The following DCLRE1C variants were observed in gnomAD, a reference collection of about 807,000 sequenced individuals.
DCLRE1C encodes the protein protein artemis.
A neutral mutation model predicts 61.4 loss-of-function variants in DCLRE1C; 47 were observed. The observed-to-expected ratio is 0.77, with a 90% CI of 0.61 to 0.98. The LOEUF (loss-of-function observed/expected upper bound fraction) is 0.98, where lower values mean the gene tolerates loss of function less well. DCLRE1C is among the 50% of genes least tolerant of loss of function. DCLRE1C has a pLI of 0.00. For missense variants in DCLRE1C, 858 were observed against 816.0 expected, an observed-to-expected ratio of 1.05 and a Z score of -0.63; for synonymous variants, 337 against 287.6, an observed-to-expected ratio of 1.17 and a Z score of -1.74.
At chr10:14,909,400 CT>C (rs990071532) in intron 13 of DCLRE1C, 70 bp from the exon 14 acceptor site, 1 of 1,405,284 alleles carries the variant, frequency 7.1e-7, no homozygotes, top group African/African-American at 1.4e-5. Context: ...TTTATCTGTA[CT>C]TTTAATTCTT....
intron 8 of DCLRE1C, among the ~76,000 whole-genome samples, chr10:14,934,032 G>GA (rs1403006718): frequency 1.3e-5 from 2 of 152,204 alleles, no homozygotes; most frequent in East Asian, 1.9e-4. Flanking sequence ...GGGAGCAAGA[G>GA]AAAAGAATGA....
At chr10:14,944,246 G>A (rs1446687164) in intron 3 of DCLRE1C, among the ~76,000 whole-genome samples, 1 of 152,140 alleles carries the variant, frequency 6.6e-6, no homozygotes, top group Non-Finnish European at 1.5e-5. Context: ...GATCCACTTG[G>A]AACCAAGTGG....
chr10:14,927,679 G>A (rs1200813804), intron 10 of DCLRE1C, among the ~76,000 whole-genome samples: 1 of 151,938 alleles, frequency 6.6e-6, no homozygotes, highest in African/African-American at 2.4e-5. Flanking sequence ...AGGAAATATT[G>A]CTAAAATATT....
At chr10:14,929,786 C>A (rs1355644538) in intron 9 of DCLRE1C, among the ~76,000 whole-genome samples, 1 of 152,062 alleles carries the variant, frequency 6.6e-6, no homozygotes, top group Non-Finnish European at 1.5e-5. Context: ...CCTTCCAAAC[C>A]ATTAACGTTC....
chr10:14,938,643 C>A (rs1840371276), intron 4 of DCLRE1C, among the ~76,000 whole-genome samples: 1 of 152,144 alleles, frequency 6.6e-6, no homozygotes, highest in African/African-American at 2.4e-5. Flanking sequence ...ACCATACATT[C>A]ACAAAAGTAC....
At chr10:14,922,935 G>A in intron 12 of DCLRE1C, 46 bp downstream of exon 12, 1 of 1,363,848 alleles carries the variant, frequency 7.3e-7, no homozygotes. Context: ...TCCTAGCCAA[G>A]AGCCACCAAG....
In DCLRE1C at chr10:14,932,492, C is replaced by A. The variant is rs143118369; in HGVS notation, c.780+362G>T. On this transcript the variant is annotated intron_variant, in intron 9 of 13. Transcript: ENST00000378278. Reference sequence around the variant, plus strand: ...TGTAGTAAAAATAACAAAAAATTAGCCGTGCATGGTGGCGGGCGCCTGTAG... The same window carrying A: ...TGTAGTAAAAATAACAAAAAATTAGACGTGCATGGTGGCGGGCGCCTGTAG... 1.5e-3 allele frequency among the ~76,000 whole-genome samples: 226 copies of A among 152,100 alleles called. 1 individual carries two copies. Among genetic ancestry groups the A allele is most frequent in the African/African-American group, 5.2e-3 (215 of 41,484 alleles).
chr10:14,937,056 CAT>C (rs1386593615), intron 4 of DCLRE1C, among the ~76,000 whole-genome samples: 2 of 152,162 alleles, frequency 1.3e-5, no homozygotes, highest in Non-Finnish European at 2.9e-5. Flanking sequence ...GAAATGAACA[CAT>C]GTTGTATGAT....
intron 1 of DCLRE1C, among the ~76,000 whole-genome samples, chr10:14,952,422 T>A (rs1842584390): frequency 6.6e-6 from 1 of 152,044 alleles, no homozygotes; most frequent in African/African-American, 2.4e-5. Context: ...ACATCATCTC[T>A]ACTAAAAACA....
At chr10:14,945,953 C>T (rs754796512) in intron 2 of DCLRE1C, among the ~76,000 whole-genome samples, 2 of 146,926 alleles carry the variant, frequency 1.4e-5, no homozygotes, top group African/African-American at 2.5e-5. Flanking sequence ...CCACTGCGCC[C>T]GGCCTATTCT....
At chr10:14,924,736 A>G (rs1837674164) in intron 11 of DCLRE1C, among the ~76,000 whole-genome samples, 1 of 152,114 alleles carries the variant, frequency 6.6e-6, no homozygotes, top group African/African-American at 2.4e-5. Context: ...AGTCCCAGCT[A>G]CTCAAGAAGT....
Position 14,932,952 on chromosome 10 carries a change from G to T in DCLRE1C, c.682C>A (p.His228Asn). ...CTAAACATGTCTAGCTTATTCACAT[G>T]AACCTAAGGCAAATAATACATACAT... is the stretch of plus-strand genomic sequence containing the variant. ...NLSEELGVQVHVNKLDMFRNM... is the reference protein window; with the variant it reads ...NLSEELGVQVNVNKLDMFRNM... The change falls in exon 9 of 14, where the codon CAT becomes AAT. Residue 228 changes from histidine to asparagine, a missense_variant. By Grantham distance (68) the His-to-Asn change is moderately conservative (BLOSUM62 1). Transcript: ENST00000378278. 3 of 1,613,994 alleles carry T rather than the reference G, an allele frequency of 1.9e-6. No homozygotes were observed. Among genetic ancestry groups the T allele is most frequent in the Non-Finnish European group, 2.5e-6 (3 of 1,179,856 alleles).
At chr10:14,940,686 G>T (rs1441349668) in intron 3 of DCLRE1C, among the ~76,000 whole-genome samples, 1 of 152,186 alleles carries the variant, frequency 6.6e-6, no homozygotes, top group Non-Finnish European at 1.5e-5. Context: ...GTAAGTATCT[G>T]ATGAATAGAT....
In DCLRE1C at chr10:14,907,402, G is replaced by T. The variant is rs1020090405; in HGVS notation, c.*1006C>A. ...AGATACATTCTGCTAGTTTGGGGTG[G>T]TGTGTTCTATAAATGTCAATTTAAT... On this transcript the variant is annotated 3_prime_UTR_variant, in exon 14 of 14. Coordinates refer to ENST00000378278, the MANE Select transcript of DCLRE1C (RefSeq NM_001033855.3). 6.6e-6 allele frequency among the ~76,000 whole-genome samples: 1 copy of T among 151,400 alleles called. No individual in the cohort carries two copies. Among genetic ancestry groups the T allele is most frequent in the Non-Finnish European group, 1.5e-5 (1 of 67,886 alleles).
At chr10:14,944,673 C>CTTTTT (rs1165126470) in intron 3 of DCLRE1C, among the ~76,000 whole-genome samples, 1 of 117,724 alleles carries the variant, frequency 8.5e-6, no homozygotes, top group Non-Finnish European at 1.8e-5. Flanking sequence ...TTTTTTTTTT[C>CTTTTT]TTTTTTTTTT....
intron 9 of DCLRE1C, among the ~76,000 whole-genome samples, chr10:14,931,280 G>A (rs1037876117): frequency 6.6e-6 from 1 of 152,210 alleles, no homozygotes. Context: ...AACGAATGAG[G>A]CTGGGTGTGG....
In DCLRE1C at chr10:14,949,032, T is replaced by G; in HGVS notation, c.161+4A>C. The G allele has an allele frequency of 6.2e-7, 1 of 1,604,478 alleles. No homozygotes were observed. The highest frequency in any genetic ancestry group is 1.1e-5 in the South Asian group (1 of 90,750). ...TTAAAAACACAAGTAGCAAAATAAA[T>G]TACCTGCACTCCAACCTTCTTTTCA... On this transcript the variant is annotated splice_donor_region_variant and intron_variant, in intron 2 of 13. Transcript: ENST00000378278.
At chr10:14,923,140 G>A (rs1837398211) in intron 11 of DCLRE1C, 71 bp from the exon 12 acceptor site, 1 of 1,204,672 alleles carries the variant, frequency 8.3e-7, no homozygotes, top group African/African-American at 1.5e-5. Context: ...GATAAAGGGA[G>A]GCTGGGGAAA....
In DCLRE1C at chr10:14,939,841, T is replaced by A; in HGVS notation, c.275A>T (p.Gln92Leu). 6.3e-7 allele frequency: 1 copy of A among 1,598,482 alleles called. No homozygotes were observed. Among genetic ancestry groups the A allele is most frequent in the Non-Finnish European group, 8.6e-7 (1 of 1,167,204 alleles). Residue 92 changes from glutamine (Q) to leucine (L), a missense_variant, in exon 4 of 14, where the codon CAG (glutamine) becomes CTG (leucine). Gln to Leu is a moderately radical substitution (Grantham distance 113). This residue lies in a region of DCLRE1C where 843 missense variants were observed against 783.5 expected (regional missense o/e 1.08). Coordinates refer to ENST00000378278, the MANE Select transcript of DCLRE1C (RefSeq NM_001033855.3). The part of the protein sequence containing the change: ...IISIEIETPT[Q>L]ISLVDEASGE... ...TGATGCTTCATCCACTAAAGATATCTGGGTAGGAGTCTCGATTTCAATAGA... is the reference window on the plus strand; with the variant it reads ...TGATGCTTCATCCACTAAAGATATCAGGGTAGGAGTCTCGATTTCAATAGA...
Sources: allele counts gnomAD v4.1 joint callset (sites outside exome capture counted in the v4.1 genomes callset), GRCh38; gene constraint gnomAD v4.1.1; regional missense constraint gnomAD v4.1.1; transcripts MANE v1.5; gene names NCBI Gene and HGNC (gene_info 2026-07-23, HGNC 2026-07-21).